The following ABCB1 variants were observed in gnomAD, a reference collection of about 807,000 sequenced individuals.
The protein encoded by ABCB1 is ATP-dependent translocase ABCB1.
ABCB1 carries 69 observed loss-of-function variants against 142.0 expected under a neutral mutation model. The ratio of observed to expected loss-of-function variants is 0.49; its 90% confidence interval spans 0.40 to 0.59. The LOEUF is 0.59. Among genes scored for constraint, ABCB1 ranks in the 20% least tolerant of loss-of-function variants. The probability of loss-of-function intolerance (pLI) is 0.00; values close to 1 mark genes in which losing one functional copy is unlikely to be tolerated. For missense variants in ABCB1, 1,326 were observed against 1,554.7 expected, an observed-to-expected ratio of 0.85 and a Z score of 2.47; for synonymous variants, 532 against 539.2, an observed-to-expected ratio of 0.99 and a Z score of 0.18.
intron 1 of ABCB1, among the ~76,000 whole-genome samples, chr7:87,608,723 C>G (rs148449369): frequency 9.2e-5 from 14 of 152,252 alleles, no homozygotes; most frequent in Admixed American, 2.0e-4. Context: ...CAAATGAACT[C>G]TCTCCCAGGA....
chr7:87,553,259 A>G (rs188661584), intron 9 of ABCB1, among the ~76,000 whole-genome samples: 154 of 152,210 alleles, frequency 1.0e-3, no homozygotes, highest in Non-Finnish European at 1.8e-3. Flanking sequence ...ATATCTGCAA[A>G]AACAAACAAG....
intron 1 of ABCB1, among the ~76,000 whole-genome samples, chr7:87,669,360 A>G (rs1284504065): frequency 6.6e-5 from 10 of 152,082 alleles, no homozygotes; most frequent in Admixed American, 6.6e-4. Flanking sequence ...TTTTGAGCCT[A>G]TGAGTGTCAT....
chr7:87,703,914 G>GTTTTTTTTTTTTTTTTTTT lies in ABCB1; in HGVS notation c.-331+9228_-331+9246dup, dbSNP rs35797972. ...TTTTTTTTTTTTTTTTTTTTTTTTG[G>GTTTTTTTTTTTTTTTTTTT]TTTTTTTTTTTTTTTTTTTTTTTTT... On this transcript the variant is annotated intron_variant, in intron 1 of 28. Transcript: ENST00000265724. 1.7e-3 allele frequency among the ~76,000 whole-genome samples: 72 copies of GTTTTTTTTTTTTTTTTTTT among 42,984 alleles called. 1 individual carries two copies. The highest frequency in any genetic ancestry group is 3.3e-3 in the East Asian group (4 of 1,206). The allele number at this position is 42,984 out of a possible 152,430, so 28.2% of individuals were successfully genotyped here.
At chr7:87,547,893 C>A (rs1235287350) in intron 14 of ABCB1, among the ~76,000 whole-genome samples, 9 of 148,240 alleles carry the variant, frequency 6.1e-5, no homozygotes, top group Admixed American at 6.1e-4. Flanking sequence ...GTGGCACACA[C>A]CTGTGGTCCC....
At chr7:87,650,207 G>T (rs759457876) in intron 1 of ABCB1, among the ~76,000 whole-genome samples, 1 of 152,162 alleles carries the variant, frequency 6.6e-6, no homozygotes, top group African/African-American at 2.4e-5. Flanking sequence ...GTCACATTTT[G>T]ATTTTAATGG....
chr7:87,522,471 A>T (rs1299899920), intron 21 of ABCB1: 2 of 543,608 alleles, frequency 3.7e-6, no homozygotes, highest in African/African-American at 3.7e-5. Context: ...AGTGACAGGG[A>T]AGCTACAGTT....
intron 1 of ABCB1, among the ~76,000 whole-genome samples, chr7:87,674,960 A>G (rs1434106871): frequency 6.6e-6 from 1 of 152,162 alleles, no homozygotes; most frequent in Non-Finnish European, 1.5e-5. Flanking sequence ...TCCTGTGCCA[A>G]GCCCTCTTGG....
intron 1 of ABCB1, among the ~76,000 whole-genome samples, chr7:87,671,493 G>A (rs1486798526): frequency 6.6e-6 from 1 of 152,110 alleles, no homozygotes; most frequent in Non-Finnish European, 1.5e-5. Context: ...GGCTGCTGTG[G>A]TATGTTTGCT....
At chr7:87,686,625 A>G (rs894179036) in intron 1 of ABCB1, among the ~76,000 whole-genome samples, 11 of 152,114 alleles carry the variant, frequency 7.2e-5, no homozygotes, top group African/African-American at 2.7e-4. Context: ...TGTAAAGTTT[A>G]TATGGAAAAT....
rs533478774 is a variant in ABCB1 at position 87,587,638 on chromosome 7, A to G, written c.118-1958T>C. On this transcript the variant is annotated intron_variant, in intron 3 of 27. Coordinates refer to ENST00000622132, the MANE Select transcript of ABCB1 (RefSeq NM_001348946.2). ...TGTAATCCCAGCACTTTGGGAGGCC[A>G]AGGCGGGCAGATCACGAGGTCAGGA... Among the ~76,000 whole-genome samples, 12 of 152,038 alleles carry G rather than the reference A, an allele frequency of 7.9e-5. No homozygotes were observed. The South Asian group carries it at 1.2e-3, about 16-fold the overall frequency.
upstream of ABCB1, chr7:87,603,075 C>T (rs748836416): frequency 2.0e-5 from 3 of 152,248 alleles, no homozygotes; most frequent in Non-Finnish European, 4.4e-5. Flanking sequence ...AGCCATTTCA[C>T]CAACTTGTCT....
chr7:87,512,280 C>T (rs1402917826), intron 25 of ABCB1, among the ~76,000 whole-genome samples: 1 of 152,034 alleles, frequency 6.6e-6, no homozygotes, highest in African/African-American at 2.4e-5. Context: ...TTCACAATTT[C>T]ATAGCTTAAT....
chr7:87,507,921 G>C (rs1426884439), intron 26 of ABCB1, among the ~76,000 whole-genome samples: 1 of 152,128 alleles, frequency 6.6e-6, no homozygotes, highest in Non-Finnish European at 1.5e-5. Flanking sequence ...CTTATAAGTG[G>C]CAGCTAAACA....
chr7:87,602,236 G>T (rs955331096), upstream of ABCB1, among the ~76,000 whole-genome samples: 1 of 149,410 alleles, frequency 6.7e-6, no homozygotes, highest in South Asian at 2.1e-4. Context: ...CTCGTGATCC[G>T]CCCGCCTCGG....
chr7:87,594,083 A>G (rs1220721883), intron 3 of ABCB1, among the ~76,000 whole-genome samples: 1 of 152,190 alleles, frequency 6.6e-6, no homozygotes, highest in Admixed American at 6.5e-5. Context: ...TCTTGTGTTT[A>G]TAAGTTTTAT....
At position 87,545,923 on chromosome 7, in the gene ABCB1, T is replaced by C. The variant is rs1395546512; in HGVS notation, c.1827A>G (p.Lys609=). The change falls in exon 15 of 28, where the codon AAA becomes AAG. Residue 609 remains lysine, a synonymous_variant. Transcript: ENST00000622132. ...AGFDDGVIVE[K]GNHDELMKEK... ...CTTTCATGAGTTCATCATGATTTCC[T>C]TTCTCCACAATGACTCCATCATCGA... The C allele has an allele frequency of 1.5e-5, 25 of 1,614,090 alleles. No individual in the cohort carries two copies. The highest frequency in any genetic ancestry group is 2.1e-5 in the Non-Finnish European group (25 of 1,180,028).
At position 87,681,712 on chromosome 7, in the gene ABCB1, A is replaced by G. The variant is rs996238825; in HGVS notation, c.-331+31449T>C. On this transcript the variant is annotated intron_variant, in intron 1 of 28. Coordinates refer to the ABCB1 transcript ENST00000265724. ...GCTGAAGGATGGGGTGGATATGACA[A>G]TGTCTTAAGACAACAATGGGCTGGG... Among the ~76,000 whole-genome samples, 7 of 138,550 alleles carry G rather than the reference A, an allele frequency of 5.1e-5. 2 individuals carry two copies. The highest frequency in any genetic ancestry group is 1.5e-4 in the Admixed American group (2 of 13,670). The allele number at this position is 138,550 out of a possible 152,430, so 90.9% of individuals were successfully genotyped here. A position where few individuals can be genotyped will look rare whatever the true frequency, so the allele number is the denominator to read the frequency against.
intron 2 of ABCB1, among the ~76,000 whole-genome samples, chr7:87,598,419 G>A (rs886346978): frequency 3.9e-5 from 6 of 152,242 alleles, no homozygotes; most frequent in South Asian, 2.1e-4. Context: ...CCATTCTACC[G>A]TGAGAGATAC....
chr7:87,704,323 A>G (rs1478464926), intron 1 of ABCB1, among the ~76,000 whole-genome samples: 2 of 152,336 alleles, frequency 1.3e-5, no homozygotes, highest in East Asian at 3.9e-4. Flanking sequence ...ATTTGAATGA[A>G]TCAAATCTAT....
Sources: gnomAD v4.1 joint callset for allele counts (sites outside exome capture counted in the v4.1 genomes callset) on GRCh38, gnomAD v4.1.1 for gene constraint, MANE v1.5 for transcripts, NCBI Gene and HGNC (gene_info 2026-07-23, HGNC 2026-07-21) for gene names.